The following HABP4 variants were observed in gnomAD, a reference collection of about 807,000 sequenced individuals.
The protein encoded by HABP4 is intracellular hyaluronan-binding protein 4.
A neutral mutation model predicts 44.1 loss-of-function variants in HABP4; 32 were observed. The ratio of observed to expected loss-of-function variants is 0.73; its 90% CI spans 0.55 to 0.97. The LOEUF is 0.97. HABP4 is among the 50% of genes least tolerant of loss of function. The probability of loss-of-function intolerance (pLI) is 0.00; values close to 1 mark genes in which losing one functional copy is unlikely to be tolerated. For synonymous variants in HABP4, 216 were observed against 218.0 expected (o/e 0.99, Z 0.08); for missense variants, 503 against 561.9 (o/e 0.90, Z 1.06).
At chr9:96,475,503 A>G (rs764418824) in intron 5 of HABP4, among the ~76,000 whole-genome samples, 1 of 152,096 alleles carries the variant, frequency 6.6e-6, no homozygotes, top group South Asian at 2.1e-4. Context: ...TTGCCACTCC[A>G]TGAAGGAGGA....
chr9:96,467,651 G>A (rs1184355248), intron 4 of HABP4, among the ~76,000 whole-genome samples: 2 of 150,064 alleles, frequency 1.3e-5, no homozygotes, highest in South Asian at 2.1e-4. Context: ...TTAGCTTTCC[G>A]AATAGCTGGG....
chr9:96,472,564 C>T (rs1200741069), intron 5 of HABP4, among the ~76,000 whole-genome samples: 1 of 152,070 alleles, frequency 6.6e-6, no homozygotes, highest in Non-Finnish European at 1.5e-5. Flanking sequence ...GGCTGCCATC[C>T]CCCCCGACCT....
chr9:96,456,545 G>A (rs957809215), intron 1 of HABP4, among the ~76,000 whole-genome samples: 3 of 151,144 alleles, frequency 2.0e-5, no homozygotes, highest in Non-Finnish European at 1.5e-5. Flanking sequence ...CAGATCACGA[G>A]GTCAGGAGAT....
At chr9:96,489,929 T>A in intron 7 of HABP4, 53 bp from the exon 8 acceptor site, 1 of 1,085,692 alleles carries the variant, frequency 9.2e-7, no homozygotes, top group Non-Finnish European at 1.4e-6. Context: ...CACTGGGATA[T>A]CGGGAATGGA....
At chr9:96,456,781 ATATATATATATATAT>A (rs371877580) in intron 1 of HABP4, among the ~76,000 whole-genome samples, 953 of 30,146 alleles carry the variant, frequency 0.032, 29 homozygotes, top group South Asian at 0.038. Context: ...AAAAAAAAAA[ATATATATATATATAT>A]ATATATATAT....
intron 1 of HABP4, among the ~76,000 whole-genome samples, chr9:96,452,902 T>C (rs1587766969): frequency 6.9e-6 from 1 of 144,970 alleles, no homozygotes; most frequent in Non-Finnish European, 1.5e-5. Flanking sequence ...GCTTTTCCTA[T>C]GGAAAAGGGT....
chr9:96,467,410 CT>C (rs1347258020), intron 4 of HABP4, among the ~76,000 whole-genome samples: 1 of 151,698 alleles, frequency 6.6e-6, no homozygotes, highest in African/African-American at 2.4e-5. Context: ...GATGACAGAT[CT>C]TTTAATTTTG....
intron 4 of HABP4, among the ~76,000 whole-genome samples, chr9:96,469,106 T>G (rs1832653234): frequency 6.6e-6 from 1 of 152,272 alleles, no homozygotes; most frequent in South Asian, 2.1e-4. Context: ...GTAATACTGC[T>G]TTTCTTCAAC....
chr9:96,460,093 C>G (rs1359239748), intron 2 of HABP4, among the ~76,000 whole-genome samples: 13 of 152,024 alleles, frequency 8.6e-5, no homozygotes, highest in Admixed American at 8.5e-4. Context: ...CCATGTTTCC[C>G]CCCTTTTTTA....
chr9:96,471,077 A>G lies in HABP4; in HGVS notation c.810A>G (p.Glu270=), dbSNP rs1214580001. The change falls in exon 5 of 8, where the codon GAA becomes GAG. Residue 270 remains glutamate (E), a synonymous_variant. Coordinates refer to ENST00000375249, the MANE Select transcript of HABP4 (RefSeq NM_014282.4). ...TVVEESQGTP[E]EESPAKVPEL... is the part of the protein sequence containing the mutation. ...TGGAGGAGTCCCAGGGCACCCCGGA[A>G]GAGGAGTCTCCAGCCAAGTAGGGCA... 6.3e-7 allele frequency: 1 copy of G among 1,582,834 alleles called. No individual in the cohort carries two copies. Among genetic ancestry groups the G allele is most frequent in the Non-Finnish European group, 8.7e-7 (1 of 1,151,632 alleles).
chr9:96,450,583 GT>G lies in HABP4; in HGVS notation c.305del (p.Val102AlafsTer81). Reference sequence around the variant, plus strand: ...GGAGCGCAAGAGCCTCCCGGCGCCCGTCGCTCAGCGGCCCGATAGCCCCGGG... The same window carrying G: ...GGAGCGCAAGAGCCTCCCGGCGCCCGCGCTCAGCGGCCCGATAGCCCCGGG... The part of the protein sequence containing the change: ...QKERKSLPAP[V>X]AQRPDSPGGG... On this transcript the variant is annotated frameshift_variant, in exon 1 of 8. Transcript: ENST00000375249. LOFTEE classifies it high-confidence loss of function. This position sits in a 1 kb window ranked among gnomAD's most constrained non-coding sequence, Gnocchi z 4.8. 7.8e-7 allele frequency: 1 copy of G among 1,282,976 alleles called. No individual in the cohort carries two copies. The allele number at this position is 1,282,976 out of a possible 1,614,324, so 79.5% of individuals were successfully genotyped here. A position where few individuals can be genotyped will look rare whatever the true frequency, so the allele number is the denominator to read the frequency against.
In HABP4 at chr9:96,465,928, T is replaced by C. The variant is rs924127153; in HGVS notation, c.743+150T>C. The C allele has an allele frequency of 1.8e-5, 11 of 598,236 alleles. No homozygotes were observed. The African/African-American group carries it at 2.1e-4, about 11-fold the overall frequency. 37.1% of individuals were successfully genotyped at this position (598,236 alleles called of 1,614,324 possible). On this transcript the variant is annotated intron_variant, in intron 4 of 7. Coordinates refer to ENST00000375249, the MANE Select transcript of HABP4 (RefSeq NM_014282.4). Reference sequence around the variant, plus strand: ...GATTTTAGGCTTTTGTTTCGTGAGATAAGTTTTTAAAACAGGTTTGCTATG... The same window carrying C: ...GATTTTAGGCTTTTGTTTCGTGAGACAAGTTTTTAAAACAGGTTTGCTATG...
chr9:96,484,232 C>G (rs748224793), intron 5 of HABP4: 4 of 390,336 alleles, frequency 1.0e-5, no homozygotes, highest in African/African-American at 2.1e-5. Flanking sequence ...TCCCATTTTT[C>G]AAAGATTGAT....
At chr9:96,464,405 A>G (rs968527397) in intron 2 of HABP4, among the ~76,000 whole-genome samples, 3 of 152,240 alleles carry the variant, frequency 2.0e-5, no homozygotes, top group Non-Finnish European at 4.4e-5. Context: ...TAAGGTTCTA[A>G]TAAAAGAAAA....
At chr9:96,459,884 G>A (rs1832469506) in intron 2 of HABP4, among the ~76,000 whole-genome samples, 2 of 152,310 alleles carry the variant, frequency 1.3e-5, no homozygotes, top group Admixed American at 6.5e-5. Context: ...ATGTTGGAGG[G>A]AGAAACTTAC....
intron 5 of HABP4, among the ~76,000 whole-genome samples, chr9:96,478,962 T>G (rs1252600750): frequency 6.6e-6 from 1 of 152,212 alleles, no homozygotes; most frequent in Non-Finnish European, 1.5e-5. Flanking sequence ...TAATGACTAA[T>G]AATGTTGAGC....
At position 96,455,178 on chromosome 9, in the gene HABP4, C is replaced by T. The variant is rs141209648; in HGVS notation, c.350-3201C>T. Among the ~76,000 whole-genome samples the T allele has an allele frequency of 3.5e-4, 53 of 152,218 alleles. No homozygotes were observed. The East Asian group carries it at 8.9e-3, about 26-fold the overall frequency. On this transcript the variant is annotated intron_variant, in intron 1 of 7. Coordinates refer to ENST00000375249, the MANE Select transcript of HABP4 (RefSeq NM_014282.4). ...TCAAAGCATAATACTCTGCTGGGTGCAGTGGCTTATGTGTGTAATCCCAGC... is the reference window on the plus strand; with the variant it reads ...TCAAAGCATAATACTCTGCTGGGTGTAGTGGCTTATGTGTGTAATCCCAGC...
intron 5 of HABP4, among the ~76,000 whole-genome samples, chr9:96,478,406 C>T (rs1352589735): frequency 6.6e-6 from 1 of 152,172 alleles, no homozygotes; most frequent in African/African-American, 2.4e-5. Flanking sequence ...GCTGGGATTA[C>T]AGGCGTGAGC....
rs995704509 is a variant in HABP4, at chr9:96,455,531, A to T, written c.350-2848A>T. Among the ~76,000 whole-genome samples the T allele has an allele frequency of 1.1e-4, 16 of 150,612 alleles. 1 individual carries two copies. In the South Asian group the frequency reaches 3.2e-3, roughly 30 times the overall value. ...GTAATCCCACTACTTTGGGAGGCTG[A>T]GGCGGGTGGATCACCTGAGGTCTGG... On this transcript the variant is annotated intron_variant, in intron 1 of 7. Coordinates refer to ENST00000375249, the MANE Select transcript of HABP4 (RefSeq NM_014282.4).
Sources: gnomAD v4.1 joint callset for allele counts (sites outside exome capture counted in the v4.1 genomes callset) on GRCh38, gnomAD v4.1.1 for gene constraint, Gnocchi (gnomAD v3.1) non-coding constraint, MANE v1.5 for transcripts, NCBI Gene and HGNC (gene_info 2026-07-23, HGNC 2026-07-21) for gene names.